Variants in MGLL observed in about 807,000 individuals in gnomAD.
The protein encoded by MGLL is lysophospholipase homolog.
Under a neutral mutation model 29.1 loss-of-function variants are expected in MGLL, and 7 were observed. The ratio of observed to expected loss-of-function variants is 0.24; its 90% CI spans 0.14 to 0.45. The LOEUF is 0.45. Ranked by LOEUF, MGLL falls within the 20% of genes least tolerant of loss-of-function variation. The probability of loss-of-function intolerance (pLI) is 0.99; values close to 1 mark genes in which losing one functional copy is unlikely to be tolerated. For missense variants in MGLL, 356 were observed against 413.6 expected, an observed-to-expected ratio of 0.86 and a Z score of 1.21; for synonymous variants, 148 against 168.3, an observed-to-expected ratio of 0.88 and a Z score of 0.93.
chr3:127,695,958 T>A (rs987099766), intron 6 of MGLL, among the ~76,000 whole-genome samples: 3 of 152,162 alleles, frequency 2.0e-5, no homozygotes, highest in Non-Finnish European at 4.4e-5. Flanking sequence ...GTTTACTGGG[T>A]TCTGTGCTGG....
chr3:127,725,737 A>G (rs1339408781), intron 3 of MGLL, among the ~76,000 whole-genome samples: 2 of 152,212 alleles, frequency 1.3e-5, no homozygotes, highest in East Asian at 1.9e-4. Context: ...GTATACATAC[A>G]CATTTATGAA....
At chr3:127,775,052 CA>C (rs1258540542) in intron 3 of MGLL, among the ~76,000 whole-genome samples, 2 of 152,080 alleles carry the variant, frequency 1.3e-5, no homozygotes, top group Non-Finnish European at 2.9e-5. Context: ...AGGCTTTCAT[CA>C]AAGGTAGAGC....
chr3:127,765,217 C>T (rs1455029076), intron 3 of MGLL, among the ~76,000 whole-genome samples: 2 of 152,118 alleles, frequency 1.3e-5, no homozygotes, highest in Non-Finnish European at 2.9e-5. Context: ...GACTTTTTTT[C>T]TCCTCCAACA....
intron 5 of MGLL, chr3:127,712,626 A>AGGTGCTTTGCTGAGCCC (rs1292990766): frequency 6.6e-6 from 1 of 152,332 alleles, no homozygotes; most frequent in Non-Finnish European, 1.5e-5. Flanking sequence ...CCACTGTGCC[A>AGGTGCTTTGCTGAGCCC]GGTGCTTTGC....
chr3:127,729,324 C>T (rs1389681519), intron 3 of MGLL, among the ~76,000 whole-genome samples: 3 of 152,172 alleles, frequency 2.0e-5, no homozygotes, highest in Non-Finnish European at 4.4e-5. Context: ...TTTAAATGTA[C>T]AGTTTAGTGG....
chr3:127,796,709 T>C (rs895846858), intron 2 of MGLL, among the ~76,000 whole-genome samples: 28 of 152,182 alleles, frequency 1.8e-4, no homozygotes, highest in Non-Finnish European at 1.5e-5. Flanking sequence ...AATCGTGCAC[T>C]CTTCTGAGCA....
At chr3:127,746,710 G>C (rs1045781835) in intron 3 of MGLL, among the ~76,000 whole-genome samples, 1 of 152,076 alleles carries the variant, frequency 6.6e-6, no homozygotes. Flanking sequence ...AGGCATGCAC[G>C]CCATCCTTCT....
rs185235351 is a variant in MGLL at position 127,761,009 on chromosome 3, C to T, written c.262+20780G>A. On this transcript the variant is annotated intron_variant, in intron 3 of 7. Coordinates refer to ENST00000265052, the MANE Select transcript of MGLL (RefSeq NM_007283.7). This position sits in a 1 kb window ranked among gnomAD's most constrained non-coding sequence, Gnocchi z 4.6. ...CTTTAAACAGGGCTCATCCTCCAGG[C>T]CAAATTCATACCCACACATACAGGA... Among the ~76,000 whole-genome samples the T allele has an allele frequency of 6.6e-6, 1 of 152,288 alleles. No homozygotes were observed. The highest frequency in any genetic ancestry group is 1.9e-4 in the East Asian group (1 of 5,186).
At chr3:127,771,479 C>G (rs780766250) in intron 3 of MGLL, among the ~76,000 whole-genome samples, 2 of 152,142 alleles carry the variant, frequency 1.3e-5, no homozygotes, top group Non-Finnish European at 2.9e-5. Context: ...GCCTCAGTCT[C>G]CCAAGTAGCT....
At chr3:127,731,061 T>G (rs2076141610) in intron 3 of MGLL, among the ~76,000 whole-genome samples, 1 of 152,214 alleles carries the variant, frequency 6.6e-6, no homozygotes, top group East Asian at 1.9e-4. Flanking sequence ...CCAAAGAAAC[T>G]CAATTCCATT....
intron 2 of MGLL, among the ~76,000 whole-genome samples, chr3:127,797,385 C>T (rs2077401655): frequency 6.6e-6 from 1 of 152,110 alleles, no homozygotes; most frequent in African/African-American, 2.4e-5. Flanking sequence ...TCCCCTCGAC[C>T]TGTCAAGACT....
chr3:127,732,120 G>A (rs773926378), intron 3 of MGLL, among the ~76,000 whole-genome samples: 5 of 152,142 alleles, frequency 3.3e-5, no homozygotes, highest in Non-Finnish European at 7.3e-5. Context: ...TTTTTTCAGG[G>A]AACCAGGCTT....
chr3:127,694,868 G>T, intron 7 of MGLL, 107 bp downstream of exon 7: 1 of 1,071,206 alleles, frequency 9.3e-7, no homozygotes, highest in Non-Finnish European at 1.4e-6. Context: ...CCTATCCTGA[G>T]ACCTGGGAGG....
Position 127,692,146 on chromosome 3 carries a change from C to T in MGLL, c.*52G>A. 1 of 1,568,612 alleles carries T rather than the reference C, an allele frequency of 6.4e-7. No individual in the cohort carries two copies. On this transcript the variant is annotated 3_prime_UTR_variant, in exon 8 of 8. Transcript: ENST00000265052. Reference sequence around the variant, plus strand: ...GCCATATCTGAGAAGCCATCTCTGCCCTTCCCCTGCCTGCATCCCCCAGAC... The same window carrying T: ...GCCATATCTGAGAAGCCATCTCTGCTCTTCCCCTGCCTGCATCCCCCAGAC...
chr3:127,810,638 G>A (rs2077646344), intron 2 of MGLL, among the ~76,000 whole-genome samples: 1 of 152,156 alleles, frequency 6.6e-6, no homozygotes, highest in African/African-American at 2.4e-5. Flanking sequence ...GCAGGAGCAG[G>A]GCAACTTCAT....
intron 3 of MGLL, among the ~76,000 whole-genome samples, chr3:127,769,383 C>T (rs1396234899): frequency 6.6e-6 from 1 of 151,932 alleles, no homozygotes; most frequent in Admixed American, 6.6e-5. Context: ...ATTGGATTGT[C>T]TTTGACCATA....
chr3:127,724,990 C>A (rs1437367616), intron 3 of MGLL, among the ~76,000 whole-genome samples: 1 of 152,022 alleles, frequency 6.6e-6, no homozygotes, highest in Non-Finnish European at 1.5e-5. Context: ...GCATCCCCAT[C>A]CTCCCTCCTT....
intron 3 of MGLL, among the ~76,000 whole-genome samples, chr3:127,768,812 T>G (rs1468418107): frequency 1.3e-5 from 2 of 152,192 alleles, no homozygotes; most frequent in African/African-American, 4.8e-5. Context: ...GGGCAGTGAT[T>G]CTAGACTATA....
In MGLL at chr3:127,692,094, A is replaced by AG; in HGVS notation, c.*103_*104insC. The AG allele has an allele frequency of 1.4e-6, 1 of 706,642 alleles. No individual in the cohort carries two copies. Among genetic ancestry groups the AG allele is most frequent in the Non-Finnish European group, 2.1e-6 (1 of 474,228 alleles). The allele number at this position is 706,642 out of a possible 1,614,324, so 43.8% of individuals were successfully genotyped here. ...GTGCTAAGGATTTCTCCAATTTCTGATTTTTTTTTTTTTTTTTTTTTGGCA... is the reference window on the plus strand; with the variant it reads ...GTGCTAAGGATTTCTCCAATTTCTGAGTTTTTTTTTTTTTTTTTTTTTGGCA... On this transcript the variant is annotated 3_prime_UTR_variant, in exon 8 of 8. Coordinates refer to ENST00000265052, the MANE Select transcript of MGLL (RefSeq NM_007283.7).
Sources: gnomAD v4.1 joint callset for allele counts (sites outside exome capture counted in the v4.1 genomes callset) on GRCh38, gnomAD v4.1.1 for gene constraint, Gnocchi (gnomAD v3.1) non-coding constraint, MANE v1.5 for transcripts, NCBI Gene and HGNC (gene_info 2026-07-23, HGNC 2026-07-21) for gene names.